The following PCBP2 variants were observed in gnomAD, a reference collection of about 807,000 sequenced individuals.
The protein encoded by PCBP2 is poly(rC) binding protein 2, also known as poly(rC)-binding protein 2.
In PCBP2, 4 loss-of-function variants were observed where a neutral mutation model predicts 50.1. The observed-to-expected ratio is 0.08, with a 90% CI of 0.04 to 0.18. The LOEUF is 0.18. Among genes scored for constraint, PCBP2 ranks in the 10% least tolerant of loss-of-function variants. The pLI, the probability that PCBP2 is intolerant of heterozygous loss-of-function variation, is 1.00. For missense variants in PCBP2, 161 were observed against 474.3 expected, an observed-to-expected ratio of 0.34 and a Z score of 6.14; for synonymous variants, 179 against 168.0, an observed-to-expected ratio of 1.07 and a Z score of -0.51.
intron 14 of PCBP2, among the ~76,000 whole-genome samples, chr12:53,478,862 CTT>C (rs1415140778): frequency 6.0e-5 from 9 of 150,094 alleles, no homozygotes; most frequent in African/African-American, 1.2e-4. Flanking sequence ...TTTTACATCT[CTT>C]TTTAACATTT....
intron 7 of PCBP2, among the ~76,000 whole-genome samples, 176 bp downstream of exon 7, chr12:53,461,319 G>A (rs552110894): frequency 6.6e-6 from 1 of 152,274 alleles, no homozygotes; most frequent in Non-Finnish European, 1.5e-5. Flanking sequence ...TTTTCTTATG[G>A]TCTGTGAGCA....
intron 14 of PCBP2, among the ~76,000 whole-genome samples, chr12:53,472,738 A>G (rs752127038): frequency 6.6e-6 from 1 of 152,140 alleles, no homozygotes; most frequent in Admixed American, 6.5e-5. Context: ...TTGTGCTTGT[A>G]CTGACCATGT....
Position 53,455,379 on chromosome 12 carries a change from A to G in PCBP2, c.93+9A>G, listed in dbSNP as rs1450020581. The G allele has an allele frequency of 6.2e-7, 1 of 1,614,114 alleles. No individual in the cohort carries two copies. Among genetic ancestry groups the G allele is most frequent in the East Asian group, 2.2e-5 (1 of 44,866 alleles). On this transcript the variant is annotated intron_variant, in intron 3 of 14. Transcript: ENST00000546463. Reference sequence around the variant, plus strand: ...GCAGTATCATCGGAAAGGTAAGACAATTTCACTTCAACTTCAATTACCATT... The same window carrying G: ...GCAGTATCATCGGAAAGGTAAGACAGTTTCACTTCAACTTCAATTACCATT...
intron 7 of PCBP2, 133 bp from the exon 8 acceptor site, chr12:53,462,360 A>C: frequency 3.2e-6 from 2 of 624,748 alleles, no homozygotes; most frequent in Non-Finnish European, 5.6e-6. Flanking sequence ...AGATCTAGCC[A>C]GAGACAATTT....
intron 5 of PCBP2, among the ~76,000 whole-genome samples, chr12:53,457,356 ATTTATTTTTTTATTTT>A (rs1052785169): frequency 6.7e-6 from 1 of 149,892 alleles, no homozygotes; most frequent in Non-Finnish European, 1.5e-5. Flanking sequence ...CCAGCCTGGA[ATTTATTTTTTTATTTT>A]TTTATTTTTT....
In PCBP2 at chr12:53,462,501, G is replaced by T. The variant is rs768864672; in HGVS notation, c.513G>T (p.Pro171=). The T allele has an allele frequency of 1.2e-6, 2 of 1,610,386 alleles. No individual in the cohort carries two copies. The highest frequency in any genetic ancestry group is 1.7e-4 in the Middle Eastern group (1 of 6,048). ...QICVVMLESP[P]KGVTIPYRPK... is the part of the protein sequence containing the mutation. ...CTCTGACTCTCTCCCAGTCCCCCCC[G>T]AAGGGCGTGACCATCCCGTACCGGC... The change falls in exon 8 of 15, where the codon CCG becomes CCT. Residue 171 remains proline, a synonymous_variant. Transcript: ENST00000546463.
chr12:53,466,014 T>A (rs775449580), intron 10 of PCBP2, 41 bp downstream of exon 10: 1 of 1,587,480 alleles, frequency 6.3e-7, no homozygotes, highest in Non-Finnish European at 8.7e-7. Context: ...AAGCTCCCTC[T>A]CCCATCCAAA....
At position 53,468,768 on chromosome 12, in the gene PCBP2, G is replaced by A. The variant is rs762375103; in HGVS notation, c.827-9G>A. 2 of 1,610,758 alleles carry A rather than the reference G, an allele frequency of 1.2e-6. No homozygotes were observed. The highest frequency in any genetic ancestry group is 1.7e-6 in the Non-Finnish European group (2 of 1,177,048). Reference sequence around the variant, plus strand: ...GCATTGAATTTGCTTGCTCTCTTCTGTCTTTTAGCAGGTTTGGATGCATCT... The same window carrying A: ...GCATTGAATTTGCTTGCTCTCTTCTATCTTTTAGCAGGTTTGGATGCATCT... On this transcript the variant is annotated splice_polypyrimidine_tract_variant and intron_variant, in intron 12 of 14. Coordinates refer to ENST00000546463, the MANE Select transcript of PCBP2 (RefSeq NM_031989.5).
In PCBP2 at chr12:53,464,639, C is replaced by G. The variant is rs1592658668; in HGVS notation, c.580-121C>G. ...GATTACAGCTCGTTTCAAATTGTGTCTGAGCTCCTTTTTAAAGGAAAAAGG... is the reference window on the plus strand; with the variant it reads ...GATTACAGCTCGTTTCAAATTGTGTGTGAGCTCCTTTTTAAAGGAAAAAGG... On this transcript the variant is annotated intron_variant, in intron 8 of 14. Coordinates refer to ENST00000546463, the MANE Select transcript of PCBP2 (RefSeq NM_031989.5). 13 of 1,352,634 alleles carry G rather than the reference C, an allele frequency of 9.6e-6. No homozygotes were observed. In the East Asian group the frequency reaches 3.2e-4, roughly 33 times the overall value. 83.8% of individuals were successfully genotyped at this position (1,352,634 alleles called of 1,614,324 possible). A position where few individuals can be genotyped will look rare whatever the true frequency, so the allele number is the denominator to read the frequency against.
At chr12:53,469,264 ATTTTTG>A (rs1448238326) in intron 13 of PCBP2, among the ~76,000 whole-genome samples, 2 of 151,908 alleles carry the variant, frequency 1.3e-5, no homozygotes, top group Non-Finnish European at 2.9e-5. Context: ...TTTTATCTTT[ATTTTTG>A]TTTTTGTTTT....
chr12:53,459,940 G>T, intron 6 of PCBP2: 1 of 441,260 alleles, frequency 2.3e-6, no homozygotes, highest in African/African-American at 2.0e-5. Flanking sequence ...GTATTTTTTT[G>T]TAAAAATGGT....
At chr12:53,471,914 T>C in intron 14 of PCBP2, 107 bp downstream of exon 14, 1 of 835,438 alleles carries the variant, frequency 1.2e-6, no homozygotes, top group Non-Finnish European at 1.7e-6. Context: ...TGGGTAAAGA[T>C]GGCCAAAAGG....
chr12:53,468,899 C>T (rs1941998270), intron 13 of PCBP2, 67 bp downstream of exon 13: 13 of 1,010,152 alleles, frequency 1.3e-5, no homozygotes, highest in South Asian at 1.2e-4. Context: ...GATGTCGTTT[C>T]AGCAGTGTCC....
chr12:53,453,481 C>T (rs966023691), intron 1 of PCBP2, among the ~76,000 whole-genome samples: 5 of 152,162 alleles, frequency 3.3e-5, no homozygotes, highest in African/African-American at 9.7e-5. Flanking sequence ...TATATAATCA[C>T]TTACATTCTT....
intron 10 of PCBP2, among the ~76,000 whole-genome samples, chr12:53,466,676 C>G (rs867722570): frequency 6.6e-6 from 1 of 152,152 alleles, no homozygotes; most frequent in Non-Finnish European, 1.5e-5. Context: ...TATTTTATGA[C>G]AGTCAGGACA....
intron 12 of PCBP2, 181 bp from the exon 13 acceptor site, chr12:53,468,596 G>A: frequency 3.3e-6 from 2 of 597,772 alleles, no homozygotes; most frequent in East Asian, 5.7e-5. Flanking sequence ...AACCTTTCGA[G>A]CATTATTTCT....
chr12:53,456,537 A>T (rs955364004), intron 5 of PCBP2, among the ~76,000 whole-genome samples: 10 of 152,334 alleles, frequency 6.6e-5, no homozygotes, highest in Non-Finnish European at 4.4e-5. Flanking sequence ...TTGCGTGAAA[A>T]GCATCTGTTG....
chr12:53,452,379 A>G lies in PCBP2; in HGVS notation c.-76+3A>G, dbSNP rs1424374477. 1 of 138,780 alleles carries G rather than the reference A, an allele frequency of 7.2e-6. No homozygotes were observed. The highest frequency in any genetic ancestry group is 1.5e-5 in the Non-Finnish European group (1 of 64,774). The allele number at this position is 138,780 out of a possible 1,614,324, so 8.6% of individuals were successfully genotyped here. On this transcript the variant is annotated splice_donor_region_variant and intron_variant, in intron 1 of 14. Coordinates refer to ENST00000546463, the MANE Select transcript of PCBP2 (RefSeq NM_031989.5). ...CCTCAGTCGCCTCGCGCCTGCAGGT[A>G]AGCCTAAAAATTTCCCTTGCGCCCC...
At chr12:53,460,883 A>G (rs1941406394) in intron 6 of PCBP2, 132 bp from the exon 7 acceptor site, 1 of 962,384 alleles carries the variant, frequency 1.0e-6, no homozygotes, top group Non-Finnish European at 1.6e-6. Flanking sequence ...GAAGAGTGGG[A>G]CAAAGAACAA....
Sources: allele counts gnomAD v4.1 joint callset (sites outside exome capture counted in the v4.1 genomes callset), GRCh38; gene constraint gnomAD v4.1.1; transcripts MANE v1.5; gene names NCBI Gene and HGNC (gene_info 2026-07-23, HGNC 2026-07-21).